Variants in EPN2 observed in about 807,000 individuals in gnomAD.
EPN2 encodes epsin 2.
In EPN2, 34 loss-of-function variants were observed where a neutral mutation model predicts 61.7. That is an observed-to-expected ratio of 0.55 (90% CI 0.42 to 0.73). EPN2 has a LOEUF of 0.73. Ranked by LOEUF, EPN2 falls within the 30% of genes least tolerant of loss-of-function variation. EPN2 has a pLI of 0.00. For synonymous variants in EPN2, 349 were observed against 353.6 expected (o/e 0.99, Z 0.15); for missense variants, 714 against 839.2 (o/e 0.85, Z 1.84).
intron 4 of EPN2, among the ~76,000 whole-genome samples, chr17:19,286,467 G>T (rs1597995301): frequency 6.6e-6 from 1 of 152,158 alleles, no homozygotes; most frequent in East Asian, 1.9e-4. Flanking sequence ...TACAACTGTA[G>T]CAGGTTAAAC....
chr17:19,288,026 C>T (rs1239388667), intron 4 of EPN2, among the ~76,000 whole-genome samples: 1 of 152,246 alleles, frequency 6.6e-6, no homozygotes, highest in East Asian at 1.9e-4. Flanking sequence ...CACCTACCCT[C>T]CATCTTCATA....
At chr17:19,263,750 C>G (rs1187566316) in intron 1 of EPN2, among the ~76,000 whole-genome samples, 1 of 152,212 alleles carries the variant, frequency 6.6e-6, no homozygotes, top group African/African-American at 2.4e-5. Context: ...GTGCATTTGA[C>G]CAGCAGCAGC....
intron 7 of EPN2, 181 bp downstream of exon 7, chr17:19,313,460 G>T: frequency 2.1e-6 from 1 of 474,518 alleles, no homozygotes. Context: ...ATGGTGGCAT[G>T]GTGTTCCCTC....
intron 1 of EPN2, among the ~76,000 whole-genome samples, chr17:19,256,725 T>G (rs552235747): frequency 1.4e-4 from 22 of 152,210 alleles, no homozygotes; most frequent in African/African-American, 5.1e-4. Flanking sequence ...CTGAGTGACT[T>G]AAAATTTAGC....
At chr17:19,256,419 C>CA (rs61210278) in intron 1 of EPN2, among the ~76,000 whole-genome samples, 33,065 of 67,274 alleles carry the variant, frequency 0.49, 9,727 homozygotes, top group East Asian at 0.93. Flanking sequence ...GACCCTGTCT[C>CA]AAAAAAAAAA....
intron 5 of EPN2, 113 bp from the exon 6 acceptor site, chr17:19,311,939 T>C: frequency 1.3e-6 from 1 of 753,774 alleles, no homozygotes; most frequent in Non-Finnish European, 2.3e-6. Context: ...AGTTTTGAAA[T>C]CTTCCTTTGA....
chr17:19,296,219 C>T (rs1025107522), intron 4 of EPN2, among the ~76,000 whole-genome samples: 3 of 151,684 alleles, frequency 2.0e-5, no homozygotes, highest in Non-Finnish European at 2.9e-5. Flanking sequence ...GGCGTGATCT[C>T]GGCTCACTAC....
intron 4 of EPN2, among the ~76,000 whole-genome samples, chr17:19,300,518 T>C (rs1250277178): frequency 1.5e-5 from 2 of 132,472 alleles, no homozygotes; most frequent in Non-Finnish European, 3.1e-5. Flanking sequence ...AGCCTCCGCC[T>C]CCTGGGTTCA....
At chr17:19,267,811 G>A (rs1214040469) in intron 1 of EPN2, among the ~76,000 whole-genome samples, 1 of 152,148 alleles carries the variant, frequency 6.6e-6, no homozygotes, top group African/African-American at 2.4e-5. Context: ...AAAGTGCCGG[G>A]ATTACAGGCA....
chr17:19,263,220 C>A (rs184352218), intron 1 of EPN2, among the ~76,000 whole-genome samples: 2 of 152,164 alleles, frequency 1.3e-5, no homozygotes, highest in Non-Finnish European at 2.9e-5. Context: ...TGGCTGACTT[C>A]AGAGGAGGTG....
At chr17:19,275,161 C>T (rs1472865130) in intron 1 of EPN2, among the ~76,000 whole-genome samples, 1 of 151,994 alleles carries the variant, frequency 6.6e-6, no homozygotes, top group African/African-American at 2.4e-5. Context: ...TCAACTGTGG[C>T]TGGGGGGAGC....
chr17:19,291,477 G>A (rs1962057), intron 4 of EPN2, among the ~76,000 whole-genome samples: 1 of 112,520 alleles, frequency 8.9e-6, no homozygotes, highest in Non-Finnish European at 1.6e-5. Context: ...TCGCTCTTTC[G>A]CCCAGGCTGG....
intron 1 of EPN2, among the ~76,000 whole-genome samples, chr17:19,280,566 A>G (rs572687143): frequency 1.3e-5 from 2 of 152,332 alleles, no homozygotes; most frequent in South Asian, 2.1e-4. Context: ...TTGAGGATGG[A>G]GAGAAGGCCT....
At chr17:19,326,415 G>A (rs1331324890) in intron 7 of EPN2, among the ~76,000 whole-genome samples, 1 of 152,262 alleles carries the variant, frequency 6.6e-6, no homozygotes, top group South Asian at 2.1e-4. Context: ...GGCCAGGCGT[G>A]GTGGCTCACG....
intron 1 of EPN2, among the ~76,000 whole-genome samples, chr17:19,269,075 T>C (rs1220400642): frequency 6.6e-6 from 1 of 152,224 alleles, no homozygotes; most frequent in Non-Finnish European, 1.5e-5. Flanking sequence ...TCATGGGGAC[T>C]TATTTTATTT....
intron 10 of EPN2, among the ~76,000 whole-genome samples, chr17:19,333,689 A>T (rs893367003): frequency 2.6e-5 from 4 of 152,112 alleles, no homozygotes; most frequent in Non-Finnish European, 5.9e-5. Flanking sequence ...GTGCCCCGAG[A>T]TGGGTGTGTT....
rs73982649 is a variant in EPN2, at chr17:19,269,094, A to T, written c.-293-12861A>T. 9.1e-3 allele frequency among the ~76,000 whole-genome samples: 1,385 copies of T among 152,290 alleles called. 14 individuals carry two copies. Among genetic ancestry groups the T allele is most frequent in the African/African-American group, 0.032 (1,321 of 41,536 alleles). On this transcript the variant is annotated intron_variant, in intron 1 of 10. Coordinates refer to ENST00000314728, the MANE Select transcript of EPN2 (RefSeq NM_014964.5). ...GGGGACTTATTTTATTTGTCCTCAC[A>T]TGTGGTTTGCACATATTCTCTTATA...
At chr17:19,281,635 G>T (rs2045359562) in intron 1 of EPN2, among the ~76,000 whole-genome samples, 2 of 152,124 alleles carry the variant, frequency 1.3e-5, no homozygotes. Flanking sequence ...CGCAGGTTCT[G>T]GGCCTGGAGT....
chr17:19,285,652 A>G lies in EPN2; in HGVS notation c.628A>G (p.Thr210Ala), dbSNP rs1260864549. The change falls in exon 4 of 11, where the codon ACA (threonine) becomes GCA (alanine). Residue 210 changes from threonine to alanine, a missense_variant. By Grantham distance (58) the Thr-to-Ala change is moderately conservative (BLOSUM62 0). Transcript: ENST00000314728. This position sits in a 1 kb window ranked among gnomAD's most constrained non-coding sequence, Gnocchi z 4.5. ...GGCCTCGCTGTGCCCCCAGCACCGC[A>G]CAGGGGCCCCGCTGGGTCAGAGTGA... The part of the protein sequence containing the change: ...PEASLCPQHR[T>A]GAPLGQSEEL... The G allele has an allele frequency of 6.4e-7, 1 of 1,566,848 alleles. No individual in the cohort carries two copies. Among genetic ancestry groups the G allele is most frequent in the Non-Finnish European group, 8.6e-7 (1 of 1,156,718 alleles).
Sources: gnomAD v4.1 joint callset for allele counts (sites outside exome capture counted in the v4.1 genomes callset) on GRCh38, gnomAD v4.1.1 for gene constraint, Gnocchi (gnomAD v3.1) non-coding constraint, MANE v1.5 for transcripts, NCBI Gene and HGNC (gene_info 2026-07-23, HGNC 2026-07-21) for gene names.